CADM2: variants seen among roughly 807,000 people sequenced by gnomAD.
The protein encoded by CADM2 is cell adhesion molecule 2.
A neutral mutation model predicts 49.8 loss-of-function variants in CADM2; 12 were observed. That is an observed-to-expected ratio of 0.24 (90% CI 0.15 to 0.39). CADM2 has a LOEUF of 0.39. CADM2 is among the 10% of genes least tolerant of loss of function. CADM2 has a pLI of 1.00. For missense variants in CADM2, 378 were observed against 492.3 expected, an observed-to-expected ratio of 0.77 and a Z score of 2.20; for synonymous variants, 214 against 175.4, an observed-to-expected ratio of 1.22 and a Z score of -1.74.
At chr3:85,454,199 A>T (rs558495707) in intron 1 of CADM2, among the ~76,000 whole-genome samples, 2 of 152,122 alleles carry the variant, frequency 1.3e-5, no homozygotes, top group Non-Finnish European at 2.9e-5. Context: ...TACTAAAAAT[A>T]CAAAAATTAG....
At chr3:85,303,221 T>G (rs1483201722) in intron 1 of CADM2, among the ~76,000 whole-genome samples, 1 of 152,004 alleles carries the variant, frequency 6.6e-6, no homozygotes, top group Non-Finnish European at 1.5e-5. Context: ...CTGTATTTGT[T>G]GCCAATTCGA....
Position 85,442,588 on chromosome 3 carries a change from GTATATATATATATATATATATA to G in CADM2, c.62-283910_62-283889del, listed in dbSNP as rs55882841. 9.6e-4 allele frequency among the ~76,000 whole-genome samples: 116 copies of G among 120,854 alleles called. 2 individuals carry two copies. The highest frequency in any genetic ancestry group is 1.1e-3 in the Non-Finnish European group (70 of 63,526). The allele number at this position is 120,854 out of a possible 152,430, so 79.3% of individuals were successfully genotyped here. A position where few individuals can be genotyped will look rare whatever the true frequency, so the allele number is the denominator to read the frequency against. On this transcript the variant is annotated intron_variant, in intron 1 of 9. Coordinates refer to ENST00000383699, the MANE Select transcript of CADM2 (RefSeq NM_001167675.2). Reference sequence around the variant, plus strand: ...TATTTAAAATAATGCTTATATATGAGTATATATATATATATATATATATATATATATATATATATATATATGA... The same window carrying G: ...TATTTAAAATAATGCTTATATATGAGTATATATATATATATATATATATGA...
chr3:85,717,144 C>T (rs891270047), intron 1 of CADM2, among the ~76,000 whole-genome samples: 1 of 151,998 alleles, frequency 6.6e-6, no homozygotes, highest in Non-Finnish European at 1.5e-5. Flanking sequence ...AATGTTTTTC[C>T]ATTTGTTTGT....
At chr3:85,423,670 A>G (rs757759476) in intron 1 of CADM2, among the ~76,000 whole-genome samples, 9 of 152,056 alleles carry the variant, frequency 5.9e-5, no homozygotes, top group Non-Finnish European at 1.3e-4. Flanking sequence ...TTGCAACATA[A>G]TTATTTTGGT....
chr3:85,032,089 G>A (rs1331535641), intron 1 of CADM2, among the ~76,000 whole-genome samples: 1 of 152,022 alleles, frequency 6.6e-6, no homozygotes, highest in African/African-American at 2.4e-5. Flanking sequence ...GTTCCCTAAT[G>A]ATAAACTGGT....
intron 1 of CADM2, among the ~76,000 whole-genome samples, chr3:85,719,386 C>T (rs1437208400): frequency 6.6e-6 from 1 of 152,090 alleles, no homozygotes; most frequent in Non-Finnish European, 1.5e-5. Context: ...CCACCACAGT[C>T]AAAAATTCAA....
At chr3:85,541,240 GTATATATAAACACAGATCATGTATGTGTA>G (rs2061531160) in intron 1 of CADM2, among the ~76,000 whole-genome samples, 1 of 149,014 alleles carries the variant, frequency 6.7e-6, no homozygotes, top group South Asian at 2.1e-4. Context: ...ATATATGTGT[GTATATATAAACACAGATCATGTATGTGTA>G]TATATGTCAC....
At chr3:86,015,232 T>C (rs1732067698) in intron 8 of CADM2, 2 of 256,288 alleles carry the variant, frequency 7.8e-6, no homozygotes, top group Admixed American at 5.5e-5. Context: ...CTCCATTGAA[T>C]ACATTAGCCA....
intron 8 of CADM2, among the ~76,000 whole-genome samples, chr3:86,039,253 C>T (rs7649694): frequency 0.036 from 5,462 of 151,650 alleles, 328 homozygotes; most frequent in African/African-American, 0.12. Flanking sequence ...TGAGCATGAG[C>T]CAAAGCAGGG....
chr3:85,144,152 C>T (rs2039659176), intron 1 of CADM2, among the ~76,000 whole-genome samples: 3 of 151,986 alleles, frequency 2.0e-5, no homozygotes, highest in Admixed American at 2.0e-4. Flanking sequence ...TATTTCCAGA[C>T]CATACTCCTG....
chr3:85,230,982 A>T (rs1303334285), intron 1 of CADM2, among the ~76,000 whole-genome samples: 1 of 150,600 alleles, frequency 6.6e-6, no homozygotes, highest in African/African-American at 2.5e-5. Flanking sequence ...GAAGTGTTGC[A>T]TGTTTGTTTT....
chr3:86,070,853 A>G lies in CADM2; in HGVS notation c.*4070A>G, dbSNP rs1384404323. 6.6e-6 allele frequency: 1 copy of G among 151,908 alleles called. No homozygotes were observed. Among genetic ancestry groups the G allele is most frequent in the East Asian group, 1.9e-4 (1 of 5,194 alleles). 9.4% of individuals were successfully genotyped at this position (151,908 alleles called of 1,614,324 possible). Reference sequence around the variant, plus strand: ...CATTTTGAATATTGGGAAAGAGGAAATCTTAGTGTAGATAATAGAATTTGT... The same window carrying G: ...CATTTTGAATATTGGGAAAGAGGAAGTCTTAGTGTAGATAATAGAATTTGT... On this transcript the variant is annotated 3_prime_UTR_variant, in exon 10 of 10. Coordinates refer to ENST00000383699, the MANE Select transcript of CADM2 (RefSeq NM_001167675.2).
intron 1 of CADM2, among the ~76,000 whole-genome samples, chr3:85,421,073 A>G (rs1015673240): frequency 1.3e-5 from 2 of 152,192 alleles, no homozygotes; most frequent in African/African-American, 4.8e-5. Flanking sequence ...CTTAGTGATT[A>G]AAGGAATTTT....
At chr3:84,971,864 C>G (rs1455635173) in intron 1 of CADM2, among the ~76,000 whole-genome samples, 1 of 151,862 alleles carries the variant, frequency 6.6e-6, no homozygotes, top group African/African-American at 2.4e-5. Flanking sequence ...CTAGCCATAC[C>G]ATGATGGAGT....
At chr3:85,979,297 C>G in intron 8 of CADM2, 1 of 1,608,794 alleles carries the variant, frequency 6.2e-7, no homozygotes, top group East Asian at 2.2e-5. Flanking sequence ...CAGTATGTTT[C>G]TTTGTTATAG....
intron 1 of CADM2, among the ~76,000 whole-genome samples, chr3:85,560,002 G>A (rs1392656466): frequency 6.6e-6 from 1 of 152,092 alleles, no homozygotes; most frequent in Non-Finnish European, 1.5e-5. Context: ...TTCAAAATGG[G>A]AAGAAGCTCT....
intron 1 of CADM2, among the ~76,000 whole-genome samples, chr3:85,657,421 T>C (rs1372226342): frequency 6.6e-6 from 1 of 152,028 alleles, no homozygotes; most frequent in Admixed American, 6.6e-5. Flanking sequence ...ATAATATTCA[T>C]TGATCTTCTA....
chr3:85,456,901 G>T (rs182619418), intron 1 of CADM2, among the ~76,000 whole-genome samples: 3 of 151,434 alleles, frequency 2.0e-5, no homozygotes, highest in African/African-American at 7.3e-5. Context: ...TCATTGTCAG[G>T]CTGTTTAATG....
At chr3:85,137,629 A>G (rs1486806846) in intron 1 of CADM2, among the ~76,000 whole-genome samples, 2 of 152,058 alleles carry the variant, frequency 1.3e-5, no homozygotes, top group Admixed American at 1.3e-4. Flanking sequence ...CTGAGTTTCC[A>G]GTGTTTTTAC....
Sources: allele counts gnomAD v4.1 joint callset (sites outside exome capture counted in the v4.1 genomes callset), GRCh38; gene constraint gnomAD v4.1.1; transcripts MANE v1.5; gene names NCBI Gene and HGNC (gene_info 2026-07-23, HGNC 2026-07-21).